The following VPS33A variants were observed in gnomAD, a reference collection of about 807,000 sequenced individuals.
VPS33A encodes VPS33A core subunit of CORVET and HOPS complexes.
A neutral mutation model predicts 71.8 loss-of-function variants in VPS33A; 32 were observed. The observed-to-expected ratio is 0.45, with a 90% CI of 0.34 to 0.60. The LOEUF is 0.60. Ranked by LOEUF, VPS33A falls within the 20% of genes least tolerant of loss-of-function variation. The pLI is 0.02. For missense variants in VPS33A, 625 were observed against 748.5 expected, an observed-to-expected ratio of 0.84 and a Z score of 1.92; for synonymous variants, 311 against 292.7, an observed-to-expected ratio of 1.06 and a Z score of -0.64.
At chr12:122,266,133 C>T (rs879113620) in intron 1 of VPS33A, among the ~76,000 whole-genome samples, 174 bp downstream of exon 1, 8 of 124,088 alleles carry the variant, frequency 6.4e-5, no homozygotes, top group South Asian at 2.4e-4. Flanking sequence ...ACGCCCAGGG[C>T]CCCCCCCTTC....
intron 9 of VPS33A, 103 bp downstream of exon 9, chr12:122,239,775 A>AAAAG: frequency 1.6e-6 from 1 of 622,980 alleles, no homozygotes; most frequent in Non-Finnish European, 2.6e-6. Context: ...AAAAAAAAAA[A>AAAAG]AAAAGGCAAG....
Position 122,235,853 on chromosome 12 carries a change from C to A in VPS33A, c.1373G>T (p.Gly458Val), listed in dbSNP as rs373143895. 6.2e-7 allele frequency: 1 copy of A among 1,613,704 alleles called. No homozygotes were observed. The highest frequency in any genetic ancestry group is 8.5e-7 in the Non-Finnish European group (1 of 1,179,868). The part of the protein sequence containing the change: ...EKAGLLKPQT[G>V]GRNNYPTIRK... ...TATAGTTGGGTAATTGTTTCTGCCC[C>A]CCGTCTGCGGTTTCAGCAGGCCGGC... Residue 458 changes from glycine to valine, a missense_variant, in exon 11 of 13, where the codon GGG becomes GTG. Transcript: ENST00000267199.
At chr12:122,244,134 A>G (rs889825957) in intron 7 of VPS33A, among the ~76,000 whole-genome samples, 6 of 152,196 alleles carry the variant, frequency 3.9e-5, no homozygotes, top group Admixed American at 2.0e-4. Context: ...TGGGGATTTC[A>G]GTCTCATTAT....
At chr12:122,247,593 TCTCC>T (rs1309520750) in intron 6 of VPS33A, among the ~76,000 whole-genome samples, 1 of 152,224 alleles carries the variant, frequency 6.6e-6, no homozygotes, top group Non-Finnish European at 1.5e-5. Context: ...CATGTCTCTC[TCTCC>T]GTCACCCACG....
At position 122,244,639 on chromosome 12, in the gene VPS33A, C is replaced by A; in HGVS notation, c.899G>T (p.Arg300Leu). ...NSAEELYAEI[R>L]DKNFNAVGSV... Reference sequence around the variant, plus strand: ...GCCAACTGCGTTGAAGTTCTTATCTCGGATCTCAGCATAGAGCTCCTCTGC... The same window carrying A: ...GCCAACTGCGTTGAAGTTCTTATCTAGGATCTCAGCATAGAGCTCCTCTGC... The change falls in exon 7 of 13, where the codon CGA (arginine) becomes CTA (leucine). Residue 300 changes from arginine (R) to leucine (L), a missense_variant. Transcript: ENST00000267199. The A allele has an allele frequency of 1.2e-6, 2 of 1,614,136 alleles. No homozygotes were observed. The highest frequency in any genetic ancestry group is 1.7e-6 in the Non-Finnish European group (2 of 1,179,986).
At position 122,244,768 on chromosome 12, in the gene VPS33A, C is replaced by A. The variant is rs1194743537; in HGVS notation, c.776-6G>T. The A allele has an allele frequency of 6.2e-7, 1 of 1,608,088 alleles. No individual in the cohort carries two copies. Among genetic ancestry groups the A allele is most frequent in the Non-Finnish European group, 8.5e-7 (1 of 1,175,466 alleles). On this transcript the variant is annotated splice_polypyrimidine_tract_variant and splice_region_variant and intron_variant, in intron 6 of 12. Coordinates refer to ENST00000267199, the MANE Select transcript of VPS33A (RefSeq NM_022916.6). ...TGGAGGTAATTTCACATAACCTGAGCAGCAGTGGAAGGGAATAAGCACCTG... is the reference window on the plus strand; with the variant it reads ...TGGAGGTAATTTCACATAACCTGAGAAGCAGTGGAAGGGAATAAGCACCTG...
intron 1 of VPS33A, among the ~76,000 whole-genome samples, chr12:122,265,247 T>G (rs892816278): frequency 3.3e-5 from 5 of 151,770 alleles, no homozygotes; most frequent in African/African-American, 4.8e-5. Flanking sequence ...CCTTAAAAGC[T>G]CAGTAAATTC....
At chr12:122,244,837 C>G (rs1954757587) in intron 6 of VPS33A, 75 bp from the exon 7 acceptor site, 5 of 1,458,736 alleles carry the variant, frequency 3.4e-6, no homozygotes, top group Non-Finnish European at 4.7e-6. Context: ...AAGCACAAAA[C>G]AGAATTTCCA....
chr12:122,238,996 T>TAC (rs68026867), intron 9 of VPS33A, among the ~76,000 whole-genome samples: 2,572 of 137,134 alleles, frequency 0.019, 21 homozygotes, highest in African/African-American at 0.029. Flanking sequence ...CATACATACA[T>TAC]ACACACACAC....
intron 3 of VPS33A, among the ~76,000 whole-genome samples, chr12:122,262,638 A>C (rs1425626398): frequency 1.3e-5 from 2 of 148,990 alleles, no homozygotes; most frequent in East Asian, 2.0e-4. Context: ...ATTCAAGTAC[A>C]TGCAGTATAT....
chr12:122,261,506 C>CT (rs1954995118), intron 3 of VPS33A, 59 bp from the exon 4 acceptor site: 4 of 1,544,292 alleles, frequency 2.6e-6, no homozygotes, highest in East Asian at 2.3e-5. Context: ...GACCATTTTG[C>CT]TTTTTTTATC....
At chr12:122,239,855 A>G in intron 9 of VPS33A, 23 bp downstream of exon 9, 2 of 1,585,454 alleles carry the variant, frequency 1.3e-6, no homozygotes, top group Non-Finnish European at 1.7e-6. Flanking sequence ...TTACTTGTTA[A>G]AGAGGTTTTT....
At chr12:122,232,469 A>T in intron 12 of VPS33A, 42 bp from the exon 13 acceptor site, 1 of 1,547,438 alleles carries the variant, frequency 6.5e-7, no homozygotes, top group Non-Finnish European at 8.8e-7. Flanking sequence ...ATTTATTATT[A>T]ATGCTTCTCT....
At position 122,255,707 on chromosome 12, in the gene VPS33A, C is replaced by CAAAAAA. The variant is rs71082953; in HGVS notation, c.484-4614_484-4609dup. Among the ~76,000 whole-genome samples, 42 of 35,456 alleles carry CAAAAAA rather than the reference C, an allele frequency of 1.2e-3. 2 individuals are homozygous for CAAAAAA. Among genetic ancestry groups the CAAAAAA allele is most frequent in the African/African-American group, 1.4e-3 (11 of 7,598 alleles). 23.3% of individuals were successfully genotyped at this position (35,456 alleles called of 152,430 possible). A position where few individuals can be genotyped will look rare whatever the true frequency, so the allele number is the denominator to read the frequency against. ...GGGGAACAAGAGTGAGACTCCGTCT[C>CAAAAAA]AAAAAAAAAAAAAAAAAAAAAAAAA... On this transcript the variant is annotated intron_variant, in intron 4 of 12. Coordinates refer to ENST00000267199, the MANE Select transcript of VPS33A (RefSeq NM_022916.6).
intron 10 of VPS33A, among the ~76,000 whole-genome samples, chr12:122,236,616 A>G (rs1169753908): frequency 2.0e-5 from 3 of 152,270 alleles, no homozygotes; most frequent in South Asian, 4.1e-4. Context: ...TCTGGGCAAC[A>G]GGGTGAGATA....
At chr12:122,243,331 C>T (rs906338287) in intron 7 of VPS33A, among the ~76,000 whole-genome samples, 10 of 152,068 alleles carry the variant, frequency 6.6e-5, no homozygotes, top group South Asian at 4.1e-4. Flanking sequence ...CTGCAGCCTC[C>T]GCCTCCTAGG....
In VPS33A at chr12:122,266,475, A is replaced by G. The variant is rs1010932069; in HGVS notation, c.-67T>C. The G allele has an allele frequency of 1.9e-6, 3 of 1,564,578 alleles. No individual in the cohort carries two copies. Among genetic ancestry groups the G allele is most frequent in the Non-Finnish European group, 2.6e-6 (3 of 1,149,086 alleles). Reference sequence around the variant, plus strand: ...GCCGGTTCCTACGGGAGGACCACGGACGCAGTCACGTGACCAAACGTCCAC... The same window carrying G: ...GCCGGTTCCTACGGGAGGACCACGGGCGCAGTCACGTGACCAAACGTCCAC... On this transcript the variant is annotated 5_prime_UTR_variant, in exon 1 of 13. Coordinates refer to ENST00000267199, the MANE Select transcript of VPS33A (RefSeq NM_022916.6).
Position 122,239,023 on chromosome 12 carries a change from C to G in VPS33A, c.1165-299G>C, listed in dbSNP as rs11057247. Among the ~76,000 whole-genome samples, 4 of 149,076 alleles carry G rather than the reference C, an allele frequency of 2.7e-5. No individual in the cohort carries two copies. In the South Asian group the frequency reaches 6.4e-4, roughly 24 times the overall value. On this transcript the variant is annotated intron_variant, in intron 9 of 12. Coordinates refer to ENST00000267199, the MANE Select transcript of VPS33A (RefSeq NM_022916.6). The stretch of plus-strand genomic sequence containing the variant: ...CACACACACACACACACACACACAC[C>G]CCCCAGTGATCAGGCCAAGTCACTG...
chr12:122,232,268 G>C lies in VPS33A; in HGVS notation c.1769C>G (p.Ala590Gly), dbSNP rs767211832. The C allele has an allele frequency of 6.2e-7, 1 of 1,612,268 alleles. No individual in the cohort carries two copies. Among genetic ancestry groups the C allele is most frequent in the Non-Finnish European group, 8.5e-7 (1 of 1,179,346 alleles). ...ATCCTAGAAAGGTTTTTCCATCAGA[G>C]CCTCTATCCAACTGGTTCCATTCAT... ...KLMNGTSWIE[A>G]LMEKPF The change falls in exon 13 of 13, where the codon GCT becomes GGT. Residue 590 changes from alanine to glycine, a missense_variant. Transcript: ENST00000267199.
Sources: gnomAD v4.1 joint callset for allele counts (sites outside exome capture counted in the v4.1 genomes callset) on GRCh38, gnomAD v4.1.1 for gene constraint, MANE v1.5 for transcripts, NCBI Gene and HGNC (gene_info 2026-07-23, HGNC 2026-07-21) for gene names.